Variants in ARHGEF7 observed in about 807,000 individuals in gnomAD.
ARHGEF7 encodes Rho guanine nucleotide exchange factor 7, also known as PAK-interacting exchange factor beta.
In ARHGEF7, 33 loss-of-function variants were observed where a neutral mutation model predicts 109.8. The ratio of observed to expected loss-of-function variants is 0.30; its 90% CI spans 0.23 to 0.40. The LOEUF (loss-of-function observed/expected upper bound fraction) is 0.40, where lower values mean the gene tolerates loss of function less well. Among genes scored for constraint, ARHGEF7 ranks in the 10% least tolerant of loss-of-function variants. The pLI, the probability that ARHGEF7 is intolerant of heterozygous loss-of-function variation, is 1.00. For synonymous variants in ARHGEF7, 458 were observed against 424.6 expected, an observed-to-expected ratio of 1.08 and a Z score of -0.97; for missense variants, 938 against 1,098.5, an observed-to-expected ratio of 0.85 and a Z score of 2.07.
In ARHGEF7 at chr13:111,272,596, T is replaced by C. The variant is rs1384312155; in HGVS notation, c.1074-1218T>C. 6.6e-6 allele frequency among the ~76,000 whole-genome samples: 1 copy of C among 152,206 alleles called. No individual in the cohort carries two copies. The highest frequency in any genetic ancestry group is 1.5e-5 in the Non-Finnish European group (1 of 68,048). ...GGGTATCATTTGAACCAAGCTCTGCTGACTAGAGACCCCTATCTTCTAGGA... is the reference window on the plus strand; with the variant it reads ...GGGTATCATTTGAACCAAGCTCTGCCGACTAGAGACCCCTATCTTCTAGGA... On this transcript the variant is annotated intron_variant, in intron 9 of 21. Transcript: ENST00000646102. This position sits in a 1 kb window ranked among gnomAD's most constrained non-coding sequence, Gnocchi z 5.2.
In ARHGEF7 at chr13:111,153,923, A is replaced by G. The variant is rs1390499088; in HGVS notation, c.184A>G (p.Ser62Gly). 5.6e-6 allele frequency: 9 copies of G among 1,605,144 alleles called. No individual in the cohort carries two copies. Among genetic ancestry groups the G allele is most frequent in the Non-Finnish European group, 7.6e-6 (9 of 1,177,256 alleles). The change falls in exon 2 of 22, where the codon AGC (serine) becomes GGC (glycine). Residue 62 changes from serine to glycine, a missense_variant. Physicochemically the swap from Ser to Gly is moderately conservative, Grantham distance 56. Around this residue, in one of 4 missense-constraint regions of ARHGEF7, gnomAD observed 165 missense variants for 125.8 expected, o/e 1.31. Coordinates refer to ENST00000646102, the MANE Select transcript of ARHGEF7 (RefSeq NM_001354046.2). The stretch of plus-strand genomic sequence containing the variant: ...ATTGCAGGTCTACCCCGAGCCCCGG[A>G]GCGAGAGCGAGTGCCTGAGCAACAT... Reference protein sequence around the residue: ...TIEKVYPEPRSESECLSNIRE... With the variant: ...TIEKVYPEPRGESECLSNIRE...
At chr13:111,188,997 G>C (rs1174935789) in intron 2 of ARHGEF7, among the ~76,000 whole-genome samples, 2 of 152,212 alleles carry the variant, frequency 1.3e-5, no homozygotes, top group African/African-American at 4.8e-5. Flanking sequence ...TATTATGTCA[G>C]TTATGTGTTA....
intron 1 of ARHGEF7, among the ~76,000 whole-genome samples, chr13:111,151,420 A>G (rs2075879677): frequency 1.3e-5 from 2 of 152,232 alleles, no homozygotes; most frequent in Admixed American, 1.3e-4. Flanking sequence ...CTTGGGTAAC[A>G]TGGCTGTAAA....
intron 15 of ARHGEF7, among the ~76,000 whole-genome samples, chr13:111,281,336 T>C (rs2092770574): frequency 6.6e-6 from 1 of 152,130 alleles, no homozygotes; most frequent in Non-Finnish European, 1.5e-5. Context: ...ACGGAAAAAC[T>C]GGGCAGAGCT....
intron 19 of ARHGEF7, 123 bp downstream of exon 19, chr13:111,292,417 T>C: frequency 6.7e-7 from 1 of 1,496,034 alleles, no homozygotes; most frequent in African/African-American, 1.4e-5. Flanking sequence ...CTTGTCTCTT[T>C]TATGTGATAT....
chr13:111,239,224 A>G lies in ARHGEF7; in HGVS notation c.760-4648A>G, dbSNP rs994661878. ...ATTCAGGGTGAGATTTGGGTGGGCC[A>G]TAGAGCCAAACCATATCACTTTCCC... On this transcript the variant is annotated intron_variant, in intron 6 of 21. Transcript: ENST00000646102. This position sits in a 1 kb window ranked among gnomAD's most constrained non-coding sequence, Gnocchi z 4.3. 1.3e-5 allele frequency among the ~76,000 whole-genome samples: 2 copies of G among 152,224 alleles called. No individual in the cohort carries two copies. Among genetic ancestry groups the G allele is most frequent in the African/African-American group, 4.8e-5 (2 of 41,462 alleles).
At chr13:111,167,125 C>A (rs964691526) in intron 2 of ARHGEF7, among the ~76,000 whole-genome samples, 9 of 152,104 alleles carry the variant, frequency 5.9e-5, no homozygotes, top group African/African-American at 2.2e-4. Context: ...CCACAGCAGT[C>A]ATTCAGTGCG....
chr13:111,209,989 A>G lies in ARHGEF7; in HGVS notation c.455A>G (p.Gln152Arg). 1 of 1,614,220 alleles carries G rather than the reference A, an allele frequency of 6.2e-7. No individual in the cohort carries two copies. Among genetic ancestry groups the G allele is most frequent in the Non-Finnish European group, 8.5e-7 (1 of 1,180,026 alleles). ...CGGACTTCAAAACTGTTCCAGGGCCAGTATCGGAGTTTGGTAAGTTTGAGA... is the reference window on the plus strand; with the variant it reads ...CGGACTTCAAAACTGTTCCAGGGCCGGTATCGGAGTTTGGTAAGTTTGAGA... ...HTRTSKLFQG[Q>R]YRSLDMTDNS... The change falls in exon 4 of 22, where the codon CAG becomes CGG. Residue 152 changes from glutamine to arginine, a missense_variant. Physicochemically the swap from Gln to Arg is conservative, Grantham distance 43. Transcript: ENST00000646102.
At chr13:111,283,387 C>A in intron 16 of ARHGEF7, 24 bp downstream of exon 16, 2 of 1,537,082 alleles carry the variant, frequency 1.3e-6, no homozygotes, top group Non-Finnish European at 1.7e-6. Context: ...ACCACTCAAA[C>A]AGCCAGATGA....
At chr13:111,252,034 G>A (rs1207635849) in intron 8 of ARHGEF7, among the ~76,000 whole-genome samples, 2 of 152,222 alleles carry the variant, frequency 1.3e-5, no homozygotes, top group Admixed American at 6.5e-5. Context: ...GTGCCCTGGG[G>A]CCTTGTCCTC....
chr13:111,271,942 A>C (rs1744848174), intron 9 of ARHGEF7, among the ~76,000 whole-genome samples: 1 of 152,228 alleles, frequency 6.6e-6, no homozygotes, highest in Admixed American at 6.5e-5. Context: ...TGCCGCACCC[A>C]CATCGTTACT....
chr13:111,153,682 A>G (rs1252041271), intron 1 of ARHGEF7: 6 of 1,237,862 alleles, frequency 4.8e-6, no homozygotes, highest in South Asian at 2.6e-5. Flanking sequence ...TGGTGCGGGA[A>G]GGGGCAGAGA....
intron 2 of ARHGEF7, among the ~76,000 whole-genome samples, chr13:111,179,076 C>G (rs1485212606): frequency 2.2e-5 from 1 of 46,016 alleles, no homozygotes; most frequent in Non-Finnish European, 4.0e-5. Context: ...GTTCAAATGC[C>G]TGTTCTTTTT....
intron 6 of ARHGEF7, among the ~76,000 whole-genome samples, chr13:111,237,227 C>T (rs893025367): frequency 2.0e-5 from 3 of 152,018 alleles, no homozygotes; most frequent in Non-Finnish European, 2.9e-5. Context: ...CAAGGTTATC[C>T]TTAATGTCTG....
intron 5 of ARHGEF7, among the ~76,000 whole-genome samples, chr13:111,229,772 C>G (rs576844822): frequency 6.6e-6 from 1 of 152,220 alleles, no homozygotes; most frequent in South Asian, 2.1e-4. Flanking sequence ...TTTTTTGTCC[C>G]AGGCAGGTAC....
At chr13:111,216,006 C>T (rs763880021) in intron 4 of ARHGEF7, among the ~76,000 whole-genome samples, 44 of 152,094 alleles carry the variant, frequency 2.9e-4, no homozygotes, top group Non-Finnish European at 4.6e-4. Context: ...CTGCAGGTGT[C>T]TGTTTTATTA....
intron 2 of ARHGEF7, among the ~76,000 whole-genome samples, chr13:111,183,611 A>T (rs1426657070): frequency 6.6e-6 from 1 of 152,140 alleles, no homozygotes; most frequent in Non-Finnish European, 1.5e-5. Flanking sequence ...TCATTTTATC[A>T]ATTATTATAA....
At chr13:111,257,031 A>G (rs2090504626) in intron 8 of ARHGEF7, among the ~76,000 whole-genome samples, 1 of 152,242 alleles carries the variant, frequency 6.6e-6, no homozygotes, top group South Asian at 2.1e-4. Flanking sequence ...CCAAAGTTGT[A>G]ATAATCTACA....
chr13:111,245,068 G>GT (rs2088553412), intron 8 of ARHGEF7, among the ~76,000 whole-genome samples: 1 of 152,230 alleles, frequency 6.6e-6, no homozygotes, highest in African/African-American at 2.4e-5. Flanking sequence ...AGTGTTGGTT[G>GT]TGTGACGTGC....
Sources: allele counts gnomAD v4.1 joint callset (sites outside exome capture counted in the v4.1 genomes callset), GRCh38; gene constraint gnomAD v4.1.1; regional missense constraint gnomAD v4.1.1; non-coding constraint Gnocchi (gnomAD v3.1); transcripts MANE v1.5; gene names NCBI Gene and HGNC (gene_info 2026-07-23, HGNC 2026-07-21).